The following SINHCAF variants were observed in gnomAD, a reference collection of about 807,000 sequenced individuals.
SINHCAF encodes SIN3-HDAC complex-associated factor.
SINHCAF carries 3 observed loss-of-function variants against 25.8 expected under a neutral mutation model. That is an observed-to-expected ratio of 0.12 (90% CI 0.05 to 0.30). The LOEUF (loss-of-function observed/expected upper bound fraction) is 0.30. Among genes scored for constraint, SINHCAF ranks in the 10% least tolerant of loss-of-function variants. The probability of loss-of-function intolerance (pLI) is 1.00; values close to 1 mark genes in which losing one functional copy is unlikely to be tolerated. For missense variants in SINHCAF, 121 were observed against 262.3 expected (o/e 0.46, Z 3.72); for synonymous variants, 70 against 85.5 (o/e 0.82, Z 1.00).
At chr12:31,308,228 C>CCG (rs1372940719) in intron 1 of SINHCAF, among the ~76,000 whole-genome samples, 1 of 152,220 alleles carries the variant, frequency 6.6e-6, no homozygotes, top group African/African-American at 2.4e-5. Flanking sequence ...GCGTGAACCA[C>CCG]CGCGCCTGGC....
rs148718897 is a variant in SINHCAF, at chr12:31,303,180, C to T, written c.-20-4956G>A. 2.1e-4 allele frequency: 210 copies of T among 985,406 alleles called. 4 individuals carry two copies. In the East Asian group the frequency reaches 3.2e-3, roughly 15 times the overall value. The allele number at this position is 985,406 out of a possible 1,614,324, so 61.0% of individuals were successfully genotyped here. ...CCTTTGCACGTACACATTCTTCAGC[C>T]AGAACAAATATTTAGAAGAGGCTGT... On this transcript the variant is annotated intron_variant, in intron 1 of 5. Coordinates refer to ENST00000337682, the MANE Select transcript of SINHCAF (RefSeq NM_001135812.2).
At chr12:31,311,679 T>A in intron 1 of SINHCAF, 1 of 465,314 alleles carries the variant, frequency 2.1e-6, no homozygotes, top group Non-Finnish European at 4.2e-6. Context: ...TAACAATATT[T>A]TTGAAGTATG....
chr12:31,289,597 T>C (rs536976515), intron 4 of SINHCAF, among the ~76,000 whole-genome samples: 2 of 152,294 alleles, frequency 1.3e-5, no homozygotes, highest in East Asian at 3.9e-4. Context: ...ATAAGGCTGT[T>C]GTACTGCCAC....
At chr12:31,296,919 C>G (rs1192859631) in intron 2 of SINHCAF, 1 of 391,854 alleles carries the variant, frequency 2.6e-6, no homozygotes, top group African/African-American at 2.1e-5. Context: ...CCTGTAGTCC[C>G]AGCTACTCGA....
rs79987649 is a variant in SINHCAF at position 31,303,052 on chromosome 12, G to GA, written c.-20-4829dup. ...ATGTTTTCTTAAGGTCCCTGAAATA[G>GA]AAAAAAAAAATCATTTCAAGATGTT... On this transcript the variant is annotated intron_variant, in intron 1 of 5. Coordinates refer to ENST00000337682, the MANE Select transcript of SINHCAF (RefSeq NM_001135812.2). The GA allele has an allele frequency of 2.8e-3, 2,648 of 946,332 alleles. 32 individuals carry two copies. The African/African-American group carries it at 0.034, about 12-fold the overall frequency. The allele number at this position is 946,332 out of a possible 1,614,324, so 58.6% of individuals were successfully genotyped here. A position where few individuals can be genotyped will look rare whatever the true frequency, so the allele number is the denominator to read the frequency against.
chr12:31,305,696 A>AT (rs751436938), intron 1 of SINHCAF, among the ~76,000 whole-genome samples: 21,149 of 130,754 alleles, frequency 0.16, 2,176 homozygotes, highest in Non-Finnish European at 0.23. Flanking sequence ...ATATAGGCCA[A>AT]TTTTTTTTTT....
chr12:31,295,537 G>A (rs76428927), intron 2 of SINHCAF, among the ~76,000 whole-genome samples: 3 of 151,938 alleles, frequency 2.0e-5, no homozygotes, highest in Non-Finnish European at 2.9e-5. Flanking sequence ...TTCTATGTAC[G>A]GCAATTTGGT....
At chr12:31,283,683 C>CT (rs1477619427) in intron 5 of SINHCAF, among the ~76,000 whole-genome samples, 1 of 152,040 alleles carries the variant, frequency 6.6e-6, no homozygotes, top group Non-Finnish European at 1.5e-5. Flanking sequence ...ACCACATACT[C>CT]TAAGGGAAAA....
intron 5 of SINHCAF, among the ~76,000 whole-genome samples, chr12:31,287,178 G>C (rs1938115585): frequency 6.6e-6 from 1 of 152,052 alleles, no homozygotes; most frequent in Non-Finnish European, 1.5e-5. Context: ...TGCTTCACCT[G>C]TATGTTCAAA....
At chr12:31,308,033 A>T (rs1402137413) in intron 1 of SINHCAF, among the ~76,000 whole-genome samples, 2 of 152,110 alleles carry the variant, frequency 1.3e-5, no homozygotes, top group Non-Finnish European at 2.9e-5. Flanking sequence ...TCTGCCTCCC[A>T]AGTTCAAGCG....
rs138917690 is a variant in SINHCAF, at chr12:31,313,515, T to C, written c.-21+12509A>G. 5.6e-3 allele frequency among the ~76,000 whole-genome samples: 858 copies of C among 152,390 alleles called. 12 individuals carry two copies. The highest frequency in any genetic ancestry group is 0.02 in the African/African-American group (812 of 41,590). On this transcript the variant is annotated intron_variant, in intron 1 of 5. Coordinates refer to ENST00000337682, the MANE Select transcript of SINHCAF (RefSeq NM_001135812.2). ...TTATTCTTTAAGATTATCTTGGCTATTCTTGGCCCTATTCATTATCAAAAC... is the reference window on the plus strand; with the variant it reads ...TTATTCTTTAAGATTATCTTGGCTACTCTTGGCCCTATTCATTATCAAAAC...
intron 4 of SINHCAF, among the ~76,000 whole-genome samples, chr12:31,290,507 G>C (rs1293115859): frequency 1.3e-5 from 2 of 152,060 alleles, no homozygotes; most frequent in South Asian, 4.1e-4. Flanking sequence ...CTAAAAGAAA[G>C]CCCCGTTAGT....
At chr12:31,298,011 CA>C in intron 2 of SINHCAF, 65 bp downstream of exon 2, 1 of 1,475,314 alleles carries the variant, frequency 6.8e-7, no homozygotes, top group Non-Finnish European at 9.4e-7. Flanking sequence ...ACCTTGCTTA[CA>C]AATATTTCTG....
At chr12:31,284,867 T>C (rs1937968909) in intron 5 of SINHCAF, among the ~76,000 whole-genome samples, 1 of 152,208 alleles carries the variant, frequency 6.6e-6, no homozygotes, top group African/African-American at 2.4e-5. Flanking sequence ...TATGTCTTGA[T>C]TTCTGTTAGG....
chr12:31,323,526 A>T (rs1939792523), intron 1 of SINHCAF, among the ~76,000 whole-genome samples: 1 of 152,198 alleles, frequency 6.6e-6, no homozygotes, highest in Non-Finnish European at 1.5e-5. Flanking sequence ...GTTTAACTCA[A>T]GAGTAAATCC....
chr12:31,300,555 G>T (rs889253094), intron 1 of SINHCAF, among the ~76,000 whole-genome samples: 1 of 152,136 alleles, frequency 6.6e-6, no homozygotes, highest in Non-Finnish European at 1.5e-5. Context: ...ATCTAGAGAG[G>T]CCTGCTCAAA....
rs964463322 is a variant in SINHCAF, at chr12:31,321,644, T to G, written c.-21+4380A>C. On this transcript the variant is annotated intron_variant, in intron 1 of 5. Coordinates refer to ENST00000337682, the MANE Select transcript of SINHCAF (RefSeq NM_001135812.2). Reference sequence around the variant, plus strand: ...AGTGACTATAAGATGATGACAGCTTTGAAACCCAAGCATTACTAACCCAGA... The same window carrying G: ...AGTGACTATAAGATGATGACAGCTTGGAAACCCAAGCATTACTAACCCAGA... Among the ~76,000 whole-genome samples the G allele has an allele frequency of 2.6e-5, 4 of 152,332 alleles. No individual in the cohort carries two copies. The South Asian group carries it at 6.2e-4, about 24-fold the overall frequency.
chr12:31,287,496 G>C, intron 5 of SINHCAF, 138 bp downstream of exon 5: 1 of 535,916 alleles, frequency 1.9e-6, no homozygotes, highest in Non-Finnish European at 3.1e-6. Context: ...CCACTTCCCT[G>C]CTCAATTCCT....
intron 1 of SINHCAF, among the ~76,000 whole-genome samples, chr12:31,300,335 G>A (rs1043824095): frequency 2.6e-5 from 4 of 152,186 alleles, no homozygotes; most frequent in Non-Finnish European, 5.9e-5. Flanking sequence ...CCATGTTTTT[G>A]TTGGTGAGAG....
Sources: allele counts gnomAD v4.1 joint callset (sites outside exome capture counted in the v4.1 genomes callset), GRCh38; gene constraint gnomAD v4.1.1; transcripts MANE v1.5; gene names NCBI Gene and HGNC (gene_info 2026-07-23, HGNC 2026-07-21).